Variants in INCENP observed in about 807,000 individuals in gnomAD.
INCENP encodes binds and activates aurora-B and -C in vivo and in vitro.
INCENP carries 43 observed loss-of-function variants against 107.3 expected under a neutral mutation model. That is an observed-to-expected ratio of 0.40 (90% CI 0.31 to 0.52). The LOEUF is 0.52. Ranked by LOEUF, INCENP falls within the 20% of genes least tolerant of loss-of-function variation. The pLI is 0.53. For synonymous variants in INCENP, 488 were observed against 494.4 expected, an observed-to-expected ratio of 0.99 and a Z score of 0.17; for missense variants, 1,089 against 1,250.9, an observed-to-expected ratio of 0.87 and a Z score of 1.95.
chr11:62,148,419 C>A, intron 15 of INCENP, 57 bp from the exon 16 acceptor site: 1 of 1,512,256 alleles, frequency 6.6e-7, no homozygotes, highest in East Asian at 2.4e-5. Context: ...GGGATGGGAA[C>A]AGGGCTTGGG....
intron 1 of INCENP, among the ~76,000 whole-genome samples, chr11:62,127,585 C>A (rs1943780202): frequency 1.3e-5 from 2 of 152,228 alleles, no homozygotes; most frequent in African/African-American, 4.8e-5. Flanking sequence ...CTTTGGAACA[C>A]AGAATCTCTT....
At chr11:62,144,848 A>G in intron 11 of INCENP, 134 bp from the exon 12 acceptor site, 2 of 833,646 alleles carry the variant, frequency 2.4e-6, no homozygotes, top group East Asian at 4.8e-5. Context: ...CGTTGGGGAT[A>G]CCTCTGCCTA....
chr11:62,140,954 G>A lies in INCENP; in HGVS notation c.1503G>A (p.Arg501=), dbSNP rs1265240012. 1 of 1,614,090 alleles carries A rather than the reference G, an allele frequency of 6.2e-7. No homozygotes were observed. The highest frequency in any genetic ancestry group is 8.5e-7 in the Non-Finnish European group (1 of 1,180,022). Residue 501 remains arginine (R), a synonymous_variant, in exon 10 of 19, where the codon AGG becomes AGA. Transcript: ENST00000394818. ...PLRTFLHTVQ[R]NQMLMTPTSA... is the part of the protein sequence containing the mutation. Reference sequence around the variant, plus strand: ...GGACCTTTCTGCACACAGTGCAGAGGAACCAGATGCTCATGACCCCGACCT... The same window carrying A: ...GGACCTTTCTGCACACAGTGCAGAGAAACCAGATGCTCATGACCCCGACCT...
At chr11:62,148,106 GTC>G (rs1437604742) in intron 15 of INCENP, among the ~76,000 whole-genome samples, 1 of 152,200 alleles carries the variant, frequency 6.6e-6, no homozygotes, top group Non-Finnish European at 1.5e-5. Flanking sequence ...TGGAGCCAGT[GTC>G]TGCCCTGAAG....
At chr11:62,128,397 G>A (rs1004260344) in intron 2 of INCENP, 96 bp downstream of exon 2, 11 of 1,392,358 alleles carry the variant, frequency 7.9e-6, no homozygotes, top group Admixed American at 7.4e-5. Flanking sequence ...CGCCTACCTG[G>A]CAAAACAGAC....
At chr11:62,146,426 G>A (rs1200244690) in intron 14 of INCENP, among the ~76,000 whole-genome samples, 1 of 152,250 alleles carries the variant, frequency 6.6e-6, no homozygotes, top group Non-Finnish European at 1.5e-5. Context: ...GTTTGGCTCC[G>A]AGGTTCCTTT....
chr11:62,128,115 C>T, intron 1 of INCENP, 36 bp from the exon 2 acceptor site: 1 of 1,611,206 alleles, frequency 6.2e-7, no homozygotes, highest in Middle Eastern at 1.7e-4. Context: ...CTACCCTGGG[C>T]CCCTAACTTG....
rs780645786 is a variant in INCENP, at chr11:62,152,017, A to G, written c.*41A>G. On this transcript the variant is annotated 3_prime_UTR_variant, in exon 19 of 19. Transcript: ENST00000394818. ...TTCTTGGCAGCCTCGCCTCCTGTCC[A>G]TGTCTATCTGTCTGTCTGTCGGTCT... 42 of 1,446,736 alleles carry G rather than the reference A, an allele frequency of 2.9e-5. No homozygotes were observed. Among genetic ancestry groups the G allele is most frequent in the Non-Finnish European group, 3.8e-5 (40 of 1,044,642 alleles). The allele number at this position is 1,446,736 out of a possible 1,614,324, so 89.6% of individuals were successfully genotyped here.
chr11:62,139,543 C>T (rs1396023970), intron 7 of INCENP, among the ~76,000 whole-genome samples: 1 of 152,218 alleles, frequency 6.6e-6, no homozygotes, highest in Admixed American at 6.5e-5. Context: ...GCCTCCTCCT[C>T]TTTACGACGT....
In INCENP at chr11:62,131,718, G is replaced by C. The variant is rs563182434; in HGVS notation, c.1063+1128G>C. 2.6e-5 allele frequency among the ~76,000 whole-genome samples: 4 copies of C among 152,220 alleles called. No homozygotes were observed. In the South Asian group the frequency reaches 8.3e-4, roughly 32 times the overall value. Reference sequence around the variant, plus strand: ...CAGGGAGACCAGATAGGAGGCTGCTGTAAGGATGCAGGCAGAGGACGGGCA... The same window carrying C: ...CAGGGAGACCAGATAGGAGGCTGCTCTAAGGATGCAGGCAGAGGACGGGCA... On this transcript the variant is annotated intron_variant, in intron 4 of 18. Transcript: ENST00000394818.
intron 14 of INCENP, among the ~76,000 whole-genome samples, 182 bp downstream of exon 14, chr11:62,145,933 C>A (rs1944233943): frequency 1.3e-5 from 2 of 152,222 alleles, no homozygotes; most frequent in Non-Finnish European, 1.5e-5. Flanking sequence ...ATCTGCCTCT[C>A]CTGTAGCAGC....
intron 4 of INCENP, among the ~76,000 whole-genome samples, chr11:62,133,699 G>A (rs1590610633): frequency 6.6e-6 from 1 of 152,216 alleles, no homozygotes; most frequent in Non-Finnish European, 1.5e-5. Context: ...CAGGGAGCAC[G>A]TGAGCTGGGA....
intron 11 of INCENP, among the ~76,000 whole-genome samples, chr11:62,142,149 G>A (rs1046922298): frequency 5.9e-5 from 9 of 152,208 alleles, no homozygotes; most frequent in South Asian, 2.1e-4. Flanking sequence ...CCAGCTCCCT[G>A]TGCCATTTGC....
At chr11:62,137,125 G>C (rs1326453883) in intron 4 of INCENP, among the ~76,000 whole-genome samples, 1 of 152,048 alleles carries the variant, frequency 6.6e-6, no homozygotes, top group African/African-American at 2.4e-5. Context: ...AGGCCGAGGC[G>C]GGTGGATCAC....
chr11:62,128,482 C>T (rs572772191), intron 2 of INCENP, among the ~76,000 whole-genome samples, 181 bp downstream of exon 2: 11 of 152,336 alleles, frequency 7.2e-5, no homozygotes, highest in Admixed American at 5.2e-4. Context: ...TGGGAAGAGG[C>T]AGCAGGAGAG....
In INCENP at chr11:62,138,927, G is replaced by A; in HGVS notation, c.1213G>A (p.Asp405Asn). ...NNGNNSWPHNDTEIANSTPNP... is the reference protein window; with the variant it reads ...NNGNNSWPHNNTEIANSTPNP... Reference sequence around the variant, plus strand: ...TGGAAATAACTCGTGGCCCCACAATGACACGGAGATTGCCAACAGCACACC... The same window carrying A: ...TGGAAATAACTCGTGGCCCCACAATAACACGGAGATTGCCAACAGCACACC... The change falls in exon 7 of 19, where the codon GAC becomes AAC. Residue 405 changes from aspartate (D) to asparagine (N), a missense_variant. Coordinates refer to ENST00000394818, the MANE Select transcript of INCENP (RefSeq NM_001040694.2). 6.2e-7 allele frequency: 1 copy of A among 1,614,116 alleles called. No homozygotes were observed. Among genetic ancestry groups the A allele is most frequent in the Non-Finnish European group, 8.5e-7 (1 of 1,179,970 alleles).
rs1943853865 is a variant in INCENP at position 62,130,157 on chromosome 11, C to T, written c.630C>T (p.Gly210=). 1 of 1,613,976 alleles carries T rather than the reference C, an allele frequency of 6.2e-7. No individual in the cohort carries two copies. The highest frequency in any genetic ancestry group is 8.5e-7 in the Non-Finnish European group (1 of 1,180,024). ...CAGCCACAGCTCCAACCTCCCAGGG[C>T]ATCCCGACATCAGATGAGGAATCAA... ...PASATAPTSQ[G]IPTSDEESTP... is the part of the protein sequence containing the mutation. Residue 210 remains glycine (G), a synonymous_variant, in exon 4 of 19, where the codon GGC becomes GGT. Coordinates refer to ENST00000394818, the MANE Select transcript of INCENP (RefSeq NM_001040694.2).
chr11:62,148,993 C>G (rs887723268), intron 17 of INCENP, 147 bp downstream of exon 17: 2 of 475,190 alleles, frequency 4.2e-6, no homozygotes, highest in African/African-American at 4.1e-5. Flanking sequence ...TTTTTATATT[C>G]TTTGTTATTC....
chr11:62,142,461 C>A (rs537598192), intron 11 of INCENP, among the ~76,000 whole-genome samples: 2 of 152,346 alleles, frequency 1.3e-5, no homozygotes, highest in South Asian at 2.1e-4. Flanking sequence ...GAAGTGGTCC[C>A]CTTTCCTGCT....
Sources: gnomAD v4.1 joint callset for allele counts (sites outside exome capture counted in the v4.1 genomes callset) on GRCh38, gnomAD v4.1.1 for gene constraint, MANE v1.5 for transcripts, NCBI Gene and HGNC (gene_info 2026-07-23, HGNC 2026-07-21) for gene names.